The following DNM2 variants were observed in gnomAD, a reference collection of about 807,000 sequenced individuals.
DNM2 encodes dynamin-2.
DNM2 carries 15 observed loss-of-function variants against 99.0 expected under a neutral mutation model. The observed-to-expected ratio is 0.15, with a 90% CI of 0.10 to 0.23. The LOEUF (loss-of-function observed/expected upper bound fraction) is 0.23, where lower values mean the gene tolerates loss of function less well. Ranked by LOEUF, DNM2 falls within the 10% of genes least tolerant of loss-of-function variation. DNM2 has a pLI of 1.00. For synonymous variants in DNM2, 525 were observed against 481.2 expected, an observed-to-expected ratio of 1.09 and a Z score of -1.19; for missense variants, 742 against 1,189.4, an observed-to-expected ratio of 0.62 and a Z score of 5.53.
chr19:10,724,990 C>T (rs2069066072), intron 1 of DNM2, among the ~76,000 whole-genome samples: 2 of 152,182 alleles, frequency 1.3e-5, no homozygotes, highest in African/African-American at 2.4e-5. Flanking sequence ...CAGTGCACAT[C>T]GGATGCCCGT....
chr19:10,768,249 C>T (rs1214511547), intron 2 of DNM2, among the ~76,000 whole-genome samples: 8 of 151,950 alleles, frequency 5.3e-5, no homozygotes, highest in Admixed American at 6.6e-5. Context: ...GTCAGGAGAT[C>T]GCGATCATCC....
At chr19:10,781,177 G>A (rs1028227175) in intron 5 of DNM2, among the ~76,000 whole-genome samples, 5 of 152,154 alleles carry the variant, frequency 3.3e-5, no homozygotes, top group East Asian at 1.9e-4. Context: ...GCAGCAGAGC[G>A]AGACTCCATC....
chr19:10,741,079 G>C lies in DNM2; in HGVS notation c.162-18659G>C, dbSNP rs541701745. The stretch of plus-strand genomic sequence containing the variant: ...TGGGTGGAGTGTTCTGTACACATCT[G>C]TCAGGTCTTATTGGTTTCGTATTTT... On this transcript the variant is annotated intron_variant, in intron 1 of 20. Coordinates refer to ENST00000389253, the MANE Select transcript of DNM2 (RefSeq NM_001005361.3). 2.8e-3 allele frequency among the ~76,000 whole-genome samples: 419 copies of C among 152,212 alleles called. 1 individual carries two copies. Among genetic ancestry groups the C allele is most frequent in the Non-Finnish European group, 3.8e-3 (261 of 68,010 alleles).
At chr19:10,798,328 C>T in intron 10 of DNM2, 158 bp from the exon 11 acceptor site, 1 of 669,110 alleles carries the variant, frequency 1.5e-6, no homozygotes, top group African/African-American at 1.8e-5. Flanking sequence ...TCTTAGCTCC[C>T]AGCTGGACTC....
intron 1 of DNM2, among the ~76,000 whole-genome samples, chr19:10,730,775 G>A (rs2050709034): frequency 6.6e-6 from 1 of 152,218 alleles, no homozygotes; most frequent in African/African-American, 2.4e-5. Context: ...CAGGGTGGGA[G>A]TGAGGCCCTG....
Position 10,825,179 on chromosome 19 carries a change from C to T in DNM2, c.2016C>T (p.Arg672=), listed in dbSNP as rs368131004. 3.5e-5 allele frequency: 57 copies of T among 1,614,194 alleles called. 1 individual carries two copies. The highest frequency in any genetic ancestry group is 6.7e-5 in the East Asian group (3 of 44,876). ...SYVAIINKSI[R]DLMPKTIMHL... is the part of the protein sequence containing the mutation. ...TGGCCATCATCAACAAGTCCATCCG[C>T]GACCTCATGCCAAAGACCATCATGC... Residue 672 remains arginine, a synonymous_variant, in exon 18 of 21, where the codon CGC becomes CGT. Transcript: ENST00000389253.
At chr19:10,748,966 A>G (rs959011988) in intron 1 of DNM2, among the ~76,000 whole-genome samples, 1 of 152,210 alleles carries the variant, frequency 6.6e-6, no homozygotes, top group Non-Finnish European at 1.5e-5. Context: ...GGCCAGTGCC[A>G]TGCTGAAGGC....
chr19:10,830,584 T>G lies in DNM2; in HGVS notation c.2543+206T>G. ...CACAGAGTAGCGGAGCCCTGGTGAC[T>G]CCGGGGCTCCCAGCTTGCCCTCTGC... On this transcript the variant is annotated intron_variant, in intron 20 of 20. Coordinates refer to ENST00000389253, the MANE Select transcript of DNM2 (RefSeq NM_001005361.3). The surrounding 1 kb of genome is among the most constrained non-coding windows in gnomAD (Gnocchi z 4.8). 1.5e-6 allele frequency: 1 copy of G among 666,498 alleles called. No homozygotes were observed. The highest frequency in any genetic ancestry group is 2.7e-5 in the East Asian group (1 of 36,380). 41.3% of individuals were successfully genotyped at this position (666,498 alleles called of 1,614,324 possible). A position where few individuals can be genotyped will look rare whatever the true frequency, so the allele number is the denominator to read the frequency against.
Position 10,808,822 on chromosome 19 carries a change from C to T in DNM2, c.1557+242C>T, listed in dbSNP as rs1599595878. The T allele has an allele frequency of 1.1e-5, 5 of 455,726 alleles. No homozygotes were observed. The East Asian group carries it at 1.7e-4, about 16-fold the overall frequency. The allele number at this position is 455,726 out of a possible 1,614,324, so 28.2% of individuals were successfully genotyped here. ...GAAGGCGCACTTCTGCAGCCAGTTC[C>T]TGGCAGGTTTTCCTGGTTTCCTGTA... On this transcript the variant is annotated intron_variant, in intron 14 of 20. Transcript: ENST00000389253.
intron 15 of DNM2, 36 bp from the exon 16 acceptor site, chr19:10,819,944 G>A: frequency 6.2e-7 from 1 of 1,608,616 alleles, no homozygotes; most frequent in Non-Finnish European, 8.5e-7. Flanking sequence ...TTGTCACGTG[G>A]ACCGCTCAGG....
chr19:10,810,854 A>C (rs1360608466), intron 14 of DNM2: 1 of 152,980 alleles, frequency 6.5e-6, no homozygotes, highest in East Asian at 1.9e-4. Flanking sequence ...CCCCCGGGTG[A>C]ATGGAGGCAT....
At position 10,798,466 on chromosome 19, in the gene DNM2, C is replaced by T. The variant is rs376646009; in HGVS notation, c.1336-20C>T. On this transcript the variant is annotated intron_variant, in intron 10 of 20. Transcript: ENST00000389253. The stretch of plus-strand genomic sequence containing the variant: ...GCCACGAGGACCCCGCCAATGCGAC[C>T]ACTCTGCTTGTTCCCCCAGCTCAGT... 15 of 1,613,832 alleles carry T rather than the reference C, an allele frequency of 9.3e-6. No individual in the cohort carries two copies. Among genetic ancestry groups the T allele is most frequent in the Non-Finnish European group, 1.2e-5 (14 of 1,179,862 alleles).
intron 1 of DNM2, among the ~76,000 whole-genome samples, chr19:10,726,287 C>T (rs1365227757): frequency 6.6e-6 from 1 of 151,634 alleles, no homozygotes; most frequent in Admixed American, 6.6e-5. Flanking sequence ...TGTCAAACTC[C>T]TGGGCCCAAG....
At chr19:10,761,077 C>T (rs960425312) in intron 2 of DNM2, among the ~76,000 whole-genome samples, 1 of 151,964 alleles carries the variant, frequency 6.6e-6, no homozygotes, top group Admixed American at 6.6e-5. Flanking sequence ...CAACATCCGC[C>T]TCCTGGGTTC....
At position 10,795,180 on chromosome 19, in the gene DNM2, C is replaced by T. The variant is rs2071888914; in HGVS notation, c.1129-192C>T. On this transcript the variant is annotated intron_variant, in intron 8 of 20. Transcript: ENST00000389253. This position sits in a 1 kb window ranked among gnomAD's most constrained non-coding sequence, Gnocchi z 4.2. ...AAGCCATCTGCCTGCCTTGGCCTCC[C>T]AAAGTGCTGAGATTACAGGTGTGAG... is the stretch of plus-strand genomic sequence containing the variant. Among the ~76,000 whole-genome samples the T allele has an allele frequency of 6.6e-6, 1 of 152,200 alleles. No homozygotes were observed. The highest frequency in any genetic ancestry group is 2.4e-5 in the African/African-American group (1 of 41,452).
At chr19:10,744,728 C>G (rs1018379185) in intron 1 of DNM2, among the ~76,000 whole-genome samples, 23 of 152,278 alleles carry the variant, frequency 1.5e-4, no homozygotes, top group African/African-American at 5.1e-4. Flanking sequence ...CTCACCACAA[C>G]CGTTTTACAG....
chr19:10,740,623 AC>A (rs2069710813), intron 1 of DNM2, among the ~76,000 whole-genome samples: 1 of 152,140 alleles, frequency 6.6e-6, no homozygotes, highest in Admixed American at 6.6e-5. Context: ...TGATCCACCC[AC>A]CTCGGCCTCT....
chr19:10,751,656 CT>C (rs2070199461), intron 1 of DNM2, among the ~76,000 whole-genome samples: 1 of 152,204 alleles, frequency 6.6e-6, no homozygotes, highest in Non-Finnish European at 1.5e-5. Context: ...AGTCTGGGAA[CT>C]TTTAGAAGCA....
intron 1 of DNM2, among the ~76,000 whole-genome samples, chr19:10,740,598 A>C (rs2069709186): frequency 1.3e-5 from 2 of 151,742 alleles, no homozygotes; most frequent in Admixed American, 6.6e-5. Flanking sequence ...CTGGTCTCAA[A>C]CTCCTGACCT....
Sources: gnomAD v4.1 joint callset for allele counts (sites outside exome capture counted in the v4.1 genomes callset) on GRCh38, gnomAD v4.1.1 for gene constraint, Gnocchi (gnomAD v3.1) non-coding constraint, MANE v1.5 for transcripts, NCBI Gene and HGNC (gene_info 2026-07-23, HGNC 2026-07-21) for gene names.